The following LRP1B variants were observed in gnomAD, a reference collection of about 807,000 sequenced individuals.
LRP1B encodes the protein LDL receptor related protein 1B, also known as low-density lipoprotein receptor-related protein 1B.
Under a neutral mutation model 556.6 loss-of-function variants are expected in LRP1B, and 217 were observed. That is an observed-to-expected ratio of 0.39 (90% CI 0.35 to 0.44). LRP1B has a LOEUF of 0.44. LRP1B is among the 20% of genes least tolerant of loss of function. LRP1B has a pLI of 1.00. For synonymous variants in LRP1B, 2,047 were observed against 1,865.8 expected (o/e 1.10, Z -2.50); for missense variants, 5,053 against 5,620.8 (o/e 0.90, Z 3.23).
At chr2:141,049,782 G>C (rs1400297345) in intron 10 of LRP1B, among the ~76,000 whole-genome samples, 2 of 151,970 alleles carry the variant, frequency 1.3e-5, no homozygotes, top group African/African-American at 4.8e-5. Context: ...TTAAATACCA[G>C]TTATAGCATC....
chr2:141,005,740 C>T (rs994943276), intron 14 of LRP1B, among the ~76,000 whole-genome samples: 1 of 151,882 alleles, frequency 6.6e-6, no homozygotes, highest in East Asian at 1.9e-4. Flanking sequence ...TATCTGTCTT[C>T]GATAGTTTTC....
chr2:140,693,379 G>C (rs1284198710), intron 41 of LRP1B, among the ~76,000 whole-genome samples: 1 of 152,048 alleles, frequency 6.6e-6, no homozygotes, highest in Non-Finnish European at 1.5e-5. Context: ...GTGCAGTGGT[G>C]CAATCATAGC....
chr2:141,081,282 G>C (rs1699916157), intron 7 of LRP1B, among the ~76,000 whole-genome samples: 1 of 152,084 alleles, frequency 6.6e-6, no homozygotes, highest in African/African-American at 2.4e-5. Context: ...GGGGGTCCTG[G>C]GCTGTATCCC....
At chr2:140,640,133 G>A (rs1473591849) in intron 41 of LRP1B, among the ~76,000 whole-genome samples, 1 of 151,680 alleles carries the variant, frequency 6.6e-6, no homozygotes, top group Non-Finnish European at 1.5e-5. Context: ...CTCCCGAGTA[G>A]CTGGGACTAC....
chr2:141,276,573 T>C (rs953372845), intron 3 of LRP1B, among the ~76,000 whole-genome samples: 1 of 152,154 alleles, frequency 6.6e-6, no homozygotes, highest in Non-Finnish European at 1.5e-5. Flanking sequence ...CTGCATTAGT[T>C]TGCTTAGGAT....
At chr2:141,120,128 C>T (rs1004777254) in intron 7 of LRP1B, among the ~76,000 whole-genome samples, 1 of 151,778 alleles carries the variant, frequency 6.6e-6, no homozygotes, top group African/African-American at 2.4e-5. Flanking sequence ...ACATTTAACC[C>T]ACTGACAGGC....
At chr2:140,963,106 A>G (rs550618335) in intron 18 of LRP1B, among the ~76,000 whole-genome samples, 1 of 152,312 alleles carries the variant, frequency 6.6e-6, no homozygotes, top group East Asian at 1.9e-4. Flanking sequence ...AAAGATGCAT[A>G]TAGCTTCTGT....
At chr2:141,590,044 A>T (rs999974489) in intron 2 of LRP1B, among the ~76,000 whole-genome samples, 1 of 152,136 alleles carries the variant, frequency 6.6e-6, no homozygotes, top group African/African-American at 2.4e-5. Context: ...TTGAAATGCA[A>T]TGGGTTGTAC....
chr2:140,241,663 A>G (rs1680953658), intron 87 of LRP1B, among the ~76,000 whole-genome samples: 1 of 150,928 alleles, frequency 6.6e-6, no homozygotes, highest in Non-Finnish European at 1.5e-5. Context: ...TAACTACTAT[A>G]AAACCTAGTG....
At chr2:140,662,179 C>T (rs965869868) in intron 41 of LRP1B, among the ~76,000 whole-genome samples, 2 of 151,720 alleles carry the variant, frequency 1.3e-5, no homozygotes, top group Admixed American at 6.6e-5. Flanking sequence ...ATATATATAT[C>T]CGCTATATAT....
intron 2 of LRP1B, among the ~76,000 whole-genome samples, chr2:141,808,861 T>A (rs1248622737): frequency 6.6e-6 from 1 of 152,242 alleles, no homozygotes; most frequent in East Asian, 1.9e-4. Flanking sequence ...GTGATCTTTT[T>A]TGATGAGCTT....
At chr2:141,565,266 A>C (rs1475566358) in intron 2 of LRP1B, among the ~76,000 whole-genome samples, 1 of 152,138 alleles carries the variant, frequency 6.6e-6, no homozygotes, top group Non-Finnish European at 1.5e-5. Context: ...CGGGTTGCTT[A>C]TATCTACAGT....
intron 1 of LRP1B, among the ~76,000 whole-genome samples, chr2:142,021,697 C>T (rs906088233): frequency 6.6e-6 from 1 of 151,922 alleles, no homozygotes; most frequent in African/African-American, 2.4e-5. Context: ...ATTAGCAGCC[C>T]TATGGAATGT....
intron 2 of LRP1B, among the ~76,000 whole-genome samples, chr2:141,621,895 GTTTC>G (rs1559183791): frequency 6.6e-6 from 1 of 150,814 alleles, no homozygotes; most frequent in African/African-American, 2.5e-5. Context: ...TTGTTTGTTT[GTTTC>G]TTTGTTTTTG....
At position 140,691,287 on chromosome 2, in the gene LRP1B, C is replaced by G. The variant is rs572680122; in HGVS notation, c.6799+8963G>C. On this transcript the variant is annotated intron_variant, in intron 41 of 90. Coordinates refer to ENST00000389484, the MANE Select transcript of LRP1B (RefSeq NM_018557.3). ...GGGAGTTCAAGACCAGCCTGACCAA[C>G]ATGGAGAAACCCCGTCTCTACTAAA... Among the ~76,000 whole-genome samples the G allele has an allele frequency of 3.4e-3, 511 of 152,112 alleles. 4 individuals carry two copies. The highest frequency in any genetic ancestry group is 0.012 in the African/African-American group (487 of 41,498).
At chr2:141,919,300 G>T (rs1700117804) in intron 1 of LRP1B, among the ~76,000 whole-genome samples, 1 of 152,004 alleles carries the variant, frequency 6.6e-6, no homozygotes, top group Non-Finnish European at 1.5e-5. Flanking sequence ...CACACAGTTT[G>T]TAAATGATGA....
At chr2:140,272,291 A>G (rs1425587217) in intron 85 of LRP1B, among the ~76,000 whole-genome samples, 1 of 145,992 alleles carries the variant, frequency 6.8e-6, no homozygotes, top group Non-Finnish European at 1.5e-5. Context: ...ACACACACAC[A>G]CAGAATATGT....
Position 140,356,584 on chromosome 2 carries a change from T to G in LRP1B, c.11396-108A>C, listed in dbSNP as rs556867666. The G allele has an allele frequency of 2.0e-4, 144 of 711,394 alleles. No individual in the cohort carries two copies. In the African/African-American group the frequency reaches 2.4e-3, roughly 12 times the overall value. 44.1% of individuals were successfully genotyped at this position (711,394 alleles called of 1,614,324 possible). On this transcript the variant is annotated intron_variant, in intron 74 of 90. Coordinates refer to ENST00000389484, the MANE Select transcript of LRP1B (RefSeq NM_018557.3). ...GTATTTATTATTCCACAGATAACTC[T>G]TTTTGAATGTACAAGGTTACGGTCT...
rs190882981 is a variant in LRP1B at position 141,633,855 on chromosome 2, C to T, written c.206-153322G>A. On this transcript the variant is annotated intron_variant, in intron 2 of 90. Coordinates refer to ENST00000389484, the MANE Select transcript of LRP1B (RefSeq NM_018557.3). ...TTAAGCAATCCAAAGTAAGATTAACCACATGTGCTAATGTTCTTGGATTAG... is the reference window on the plus strand; with the variant it reads ...TTAAGCAATCCAAAGTAAGATTAACTACATGTGCTAATGTTCTTGGATTAG... Among the ~76,000 whole-genome samples the T allele has an allele frequency of 5.3e-4, 80 of 152,062 alleles. 1 individual carries two copies. Among genetic ancestry groups the T allele is most frequent in the Middle Eastern group, 3.4e-3 (1 of 294 alleles).
Sources: allele counts gnomAD v4.1 joint callset (sites outside exome capture counted in the v4.1 genomes callset), GRCh38; gene constraint gnomAD v4.1.1; transcripts MANE v1.5; gene names NCBI Gene and HGNC (gene_info 2026-07-23, HGNC 2026-07-21).